The following PLCXD3 variants were observed in gnomAD, a reference collection of about 807,000 sequenced individuals.
PLCXD3 encodes PI-PLC X domain-containing protein 3.
PLCXD3 carries 19 observed loss-of-function variants against 25.5 expected under a neutral mutation model. That is an observed-to-expected ratio of 0.75 (90% CI 0.52 to 1.09). PLCXD3 has a LOEUF of 1.09. Among genes scored for constraint, PLCXD3 ranks in the 50% least tolerant of loss-of-function variants. PLCXD3 has a pLI of 0.00. For synonymous variants in PLCXD3, 174 were observed against 137.6 expected (o/e 1.26, Z -1.85); for missense variants, 411 against 388.1 (o/e 1.06, Z -0.50).
At chr5:41,475,588 C>A (rs369248725) in intron 1 of PLCXD3, 6 of 533,682 alleles carry the variant, frequency 1.1e-5, no homozygotes, top group African/African-American at 5.8e-5. Context: ...CCCTGTAGGC[C>A]TCTTCAGGTC....
intron 2 of PLCXD3, among the ~76,000 whole-genome samples, chr5:41,360,578 C>T (rs1010242464): frequency 3.3e-5 from 5 of 152,158 alleles, no homozygotes; most frequent in Non-Finnish European, 5.9e-5. Context: ...TTCCTCTTCC[C>T]CTAAGAATGG....
At chr5:41,499,794 T>C (rs1195745153) in intron 1 of PLCXD3, among the ~76,000 whole-genome samples, 7 of 151,752 alleles carry the variant, frequency 4.6e-5, no homozygotes, top group African/African-American at 1.7e-4. Flanking sequence ...GACCAACATA[T>C]AGACCAATAA....
chr5:41,353,011 G>A (rs1490025713), intron 2 of PLCXD3, among the ~76,000 whole-genome samples: 1 of 151,816 alleles, frequency 6.6e-6, no homozygotes, highest in African/African-American at 2.4e-5. Flanking sequence ...TTTGCTAGAG[G>A]TTTGAATAAT....
At chr5:41,408,410 C>A (rs531949684) in intron 1 of PLCXD3, among the ~76,000 whole-genome samples, 11 of 152,266 alleles carry the variant, frequency 7.2e-5, no homozygotes, top group African/African-American at 2.6e-4. Context: ...TGCATATACA[C>A]AAACACACAT....
At chr5:41,320,800 A>G (rs1743445904) in intron 2 of PLCXD3, among the ~76,000 whole-genome samples, 1 of 152,210 alleles carries the variant, frequency 6.6e-6, no homozygotes, top group African/African-American at 2.4e-5. Flanking sequence ...CCGGCCACAT[A>G]TCAATTAATG....
At position 41,424,632 on chromosome 5, in the gene PLCXD3, T is replaced by C. The variant is rs1220530674; in HGVS notation, c.104-42098A>G. 2.0e-5 allele frequency among the ~76,000 whole-genome samples: 3 copies of C among 152,382 alleles called. No individual in the cohort carries two copies. In the East Asian group the frequency reaches 5.8e-4, roughly 29 times the overall value. On this transcript the variant is annotated intron_variant, in intron 1 of 2. Transcript: ENST00000377801. ...TCTACTTTTGCTGTCCATTACTTTT[T>C]CTTTGATGCAAGAAATATTGCAATT... is the stretch of plus-strand genomic sequence containing the variant.
chr5:41,510,522 G>T lies in PLCXD3; in HGVS notation c.5C>A (p.Ala2Asp). 6.2e-7 allele frequency: 1 copy of T among 1,612,674 alleles called. No individual in the cohort carries two copies. Residue 2 changes from alanine (A) to aspartate (D), a missense_variant, in exon 1 of 3, where the codon GCC becomes GAC. Transcript: ENST00000377801. The part of the protein sequence containing the change: M[A>D]SSQGKNELKL... ...CAGCTCGTTTTTCCCCTGAGACGAG[G>T]CCATCGTGCCAGTCGGCGTGCAGCG... is the stretch of plus-strand genomic sequence containing the variant.
At chr5:41,487,197 T>C (rs1173892940) in intron 1 of PLCXD3, among the ~76,000 whole-genome samples, 2 of 152,218 alleles carry the variant, frequency 1.3e-5, no homozygotes, top group Non-Finnish European at 1.5e-5. Flanking sequence ...TCTTATTTTA[T>C]TTTATTCAAT....
intron 2 of PLCXD3, among the ~76,000 whole-genome samples, chr5:41,380,382 G>A (rs1291578080): frequency 2.0e-5 from 3 of 151,900 alleles, no homozygotes; most frequent in Non-Finnish European, 4.4e-5. Flanking sequence ...GCATTACCTT[G>A]CTGAAACAGT....
chr5:41,455,067 A>G (rs1747723123), intron 1 of PLCXD3, among the ~76,000 whole-genome samples: 1 of 151,852 alleles, frequency 6.6e-6, no homozygotes, highest in Admixed American at 6.6e-5. Context: ...CATGGGGGAA[A>G]CCACTCCCAT....
chr5:41,415,974 A>C (rs1746682951), intron 1 of PLCXD3, among the ~76,000 whole-genome samples: 1 of 152,190 alleles, frequency 6.6e-6, no homozygotes, highest in South Asian at 2.1e-4. Context: ...ACTGATAAGA[A>C]TCAGGAGTGT....
chr5:41,313,403 G>T lies in PLCXD3; in HGVS notation c.*214C>A. 2.0e-6 allele frequency: 1 copy of T among 492,668 alleles called. No homozygotes were observed. The highest frequency in any genetic ancestry group is 3.5e-6 in the Non-Finnish European group (1 of 285,072). The allele number at this position is 492,668 out of a possible 1,614,324, so 30.5% of individuals were successfully genotyped here. A position where few individuals can be genotyped will look rare whatever the true frequency, so the allele number is the denominator to read the frequency against. The stretch of plus-strand genomic sequence containing the variant: ...TTTTTTATTCCTAACACTAGAAGTA[G>T]ATTTTGCTCATCAAATGGGAAATGA... On this transcript the variant is annotated 3_prime_UTR_variant, in exon 3 of 3. Coordinates refer to ENST00000377801, the MANE Select transcript of PLCXD3 (RefSeq NM_001005473.3).
At position 41,507,509 on chromosome 5, in the gene PLCXD3, A is replaced by G. The variant is rs116504123; in HGVS notation, c.103+2915T>C. On this transcript the variant is annotated intron_variant, in intron 1 of 2. Coordinates refer to ENST00000377801, the MANE Select transcript of PLCXD3 (RefSeq NM_001005473.3). ...TTAAATGCCAAACAGCTATTGCGAG[A>G]TTACTCTGAAACCATTCAAACTGCA... 9.7e-4 allele frequency among the ~76,000 whole-genome samples: 148 copies of G among 152,344 alleles called. 1 individual carries two copies. Among genetic ancestry groups the G allele is most frequent in the African/African-American group, 3.5e-3 (145 of 41,584 alleles).
At chr5:41,332,465 G>T (rs1264485765) in intron 2 of PLCXD3, among the ~76,000 whole-genome samples, 1 of 152,132 alleles carries the variant, frequency 6.6e-6, no homozygotes, top group African/African-American at 2.4e-5. Flanking sequence ...AGAGGATGTG[G>T]AGAAATAGGA....
At chr5:41,371,908 C>T (rs905177763) in intron 2 of PLCXD3, among the ~76,000 whole-genome samples, 8 of 152,170 alleles carry the variant, frequency 5.3e-5, no homozygotes, top group African/African-American at 1.9e-4. Context: ...TTGAATCAGA[C>T]ACCTTTTACT....
At chr5:41,373,755 C>T (rs2150489768) in intron 2 of PLCXD3, among the ~76,000 whole-genome samples, 1 of 152,162 alleles carries the variant, frequency 6.6e-6, no homozygotes, top group Admixed American at 6.5e-5. Context: ...GATGCAGTGC[C>T]ATAATGTTAA....
At chr5:41,463,802 C>T (rs141726535) in intron 1 of PLCXD3, among the ~76,000 whole-genome samples, 5 of 152,002 alleles carry the variant, frequency 3.3e-5, no homozygotes, top group African/African-American at 9.6e-5. Flanking sequence ...GAATTCACTA[C>T]GAATGGCCTT....
Position 41,480,349 on chromosome 5 carries a change from C to T in PLCXD3, c.103+30075G>A, listed in dbSNP as rs78415819. Among the ~76,000 whole-genome samples the T allele has an allele frequency of 2.8e-3, 424 of 151,346 alleles. 2 individuals are homozygous for T. Among genetic ancestry groups the T allele is most frequent in the East Asian group, 0.016 (80 of 5,122 alleles). On this transcript the variant is annotated intron_variant, in intron 1 of 2. Coordinates refer to ENST00000377801, the MANE Select transcript of PLCXD3 (RefSeq NM_001005473.3). ...TTGAGTATAACATCAGGATTTAAAG[C>T]TCCACTTGGGTACTTGTGCAGCTCT... is the stretch of plus-strand genomic sequence containing the variant.
intron 1 of PLCXD3, among the ~76,000 whole-genome samples, chr5:41,460,159 G>A (rs1699077521): frequency 6.6e-6 from 1 of 151,918 alleles, no homozygotes; most frequent in African/African-American, 2.4e-5. Flanking sequence ...TTTTATGGAT[G>A]CTAGTGTTCC....
Sources: gnomAD v4.1 joint callset for allele counts (sites outside exome capture counted in the v4.1 genomes callset) on GRCh38, gnomAD v4.1.1 for gene constraint, MANE v1.5 for transcripts, NCBI Gene and HGNC (gene_info 2026-07-23, HGNC 2026-07-21) for gene names.